Variants in PDCD6IP observed in about 807,000 individuals in gnomAD.
PDCD6IP encodes programmed cell death 6 interacting protein, also known as programmed cell death 6-interacting protein.
PDCD6IP carries 43 observed loss-of-function variants against 103.7 expected under a neutral mutation model. The ratio of observed to expected loss-of-function variants is 0.41; its 90% CI spans 0.32 to 0.53. The LOEUF (loss-of-function observed/expected upper bound fraction) is 0.53. Among genes scored for constraint, PDCD6IP ranks in the 20% least tolerant of loss-of-function variants. The pLI, the probability that PDCD6IP is intolerant of heterozygous loss-of-function variation, is 0.16. For missense variants in PDCD6IP, 871 were observed against 1,036.7 expected, an observed-to-expected ratio of 0.84 and a Z score of 2.20; for synonymous variants, 354 against 378.7, an observed-to-expected ratio of 0.93 and a Z score of 0.76.
chr3:33,835,675 G>T (rs537598690), intron 7 of PDCD6IP, among the ~76,000 whole-genome samples: 65 of 152,058 alleles, frequency 4.3e-4, no homozygotes, highest in Non-Finnish European at 7.8e-4. Context: ...CCGAGATCGC[G>T]CCACTGTGCT....
chr3:33,856,002 GGCGA>G (rs1019487616), intron 15 of PDCD6IP, among the ~76,000 whole-genome samples: 1 of 152,134 alleles, frequency 6.6e-6, no homozygotes, highest in Non-Finnish European at 1.5e-5. Context: ...CGGGCAGCTG[GGCGA>G]GTATTACTGC....
intron 1 of PDCD6IP, among the ~76,000 whole-genome samples, chr3:33,807,095 C>A (rs181105253): frequency 3.3e-5 from 5 of 152,294 alleles, no homozygotes; most frequent in Admixed American, 3.3e-4. Flanking sequence ...CTGTTCCCCC[C>A]ATACAGCTCA....
intron 1 of PDCD6IP, among the ~76,000 whole-genome samples, chr3:33,806,975 C>G (rs944884153): frequency 6.6e-6 from 1 of 152,136 alleles, no homozygotes; most frequent in Non-Finnish European, 1.5e-5. Context: ...AGTGATTGCC[C>G]TCCTGTTGTA....
At position 33,866,373 on chromosome 3, in the gene PDCD6IP, A is replaced by C. The variant is rs140488564; in HGVS notation, c.2455A>C (p.Met819Leu). ...YPGYCQMPMP[M>L]GYNPYAYGQY... ...CAGGTATTGCCAAATGCCCATGCCC[A>C]TGGGCTATAATCCTTATGCGTATGG... The change falls in exon 18 of 18, where the codon ATG (methionine) becomes CTG (leucine). Residue 819 changes from methionine (M) to leucine (L), a missense_variant. By Grantham distance (15) the Met-to-Leu change is conservative. Around this residue, in one of 5 missense-constraint regions of PDCD6IP, gnomAD observed 202 missense variants for 205.2 expected, o/e 0.98. Coordinates refer to ENST00000307296, the MANE Select transcript of PDCD6IP (RefSeq NM_013374.6). The C allele has an allele frequency of 1.0e-5, 16 of 1,576,166 alleles. No homozygotes were observed. Among genetic ancestry groups the C allele is most frequent in the Non-Finnish European group, 1.1e-5 (13 of 1,163,600 alleles).
In PDCD6IP at chr3:33,818,097, G is replaced by GTTTTT. The variant is rs756780125; in HGVS notation, c.335-3838_335-3834dup. Among the ~76,000 whole-genome samples the GTTTTT allele has an allele frequency of 7.8e-4, 53 of 68,080 alleles. 1 individual carries two copies. The highest frequency in any genetic ancestry group is 2.0e-3 in the African/African-American group (31 of 15,632). The allele number at this position is 68,080 out of a possible 152,430, so 44.7% of individuals were successfully genotyped here. On this transcript the variant is annotated intron_variant, in intron 3 of 17. Coordinates refer to ENST00000307296, the MANE Select transcript of PDCD6IP (RefSeq NM_013374.6). ...CTTGTTTGGAATATATTTCATTCTT[G>GTTTTT]TTTTTTTTTTTTTTTTTTTTTTTTG... is the stretch of plus-strand genomic sequence containing the variant.
intron 5 of PDCD6IP, among the ~76,000 whole-genome samples, chr3:33,825,907 G>T (rs1330735094): frequency 6.6e-6 from 1 of 152,124 alleles, no homozygotes; most frequent in Non-Finnish European, 1.5e-5. Flanking sequence ...TCTTTCAGGA[G>T]GTCCTCTTTA....
intron 12 of PDCD6IP, among the ~76,000 whole-genome samples, chr3:33,849,278 C>G (rs1320749964): frequency 6.6e-6 from 1 of 152,166 alleles, no homozygotes; most frequent in Non-Finnish European, 1.5e-5. Flanking sequence ...TGCCACAGGA[C>G]TTTTACATTT....
chr3:33,801,161 A>G (rs1401506074), intron 1 of PDCD6IP, among the ~76,000 whole-genome samples: 1 of 152,232 alleles, frequency 6.6e-6, no homozygotes, highest in East Asian at 1.9e-4. Context: ...GGAGGTAGGT[A>G]CAAAAGTTTT....
intron 15 of PDCD6IP, among the ~76,000 whole-genome samples, chr3:33,855,659 G>T (rs1326443849): frequency 6.6e-6 from 1 of 152,174 alleles, no homozygotes. Context: ...TCAGAAGGAG[G>T]CTGCTGAGAA....
Position 33,798,657 on chromosome 3 carries a change from T to A in PDCD6IP, c.-72T>A. On this transcript the variant is annotated 5_prime_UTR_variant, in exon 1 of 18. Coordinates refer to ENST00000307296, the MANE Select transcript of PDCD6IP (RefSeq NM_013374.6). Reference sequence around the variant, plus strand: ...TCAGTCCGCCAGTCCGCCAGCCCAGTACCTCTCTCTCCTCGGCCCTCGTAA... The same window carrying A: ...TCAGTCCGCCAGTCCGCCAGCCCAGAACCTCTCTCTCCTCGGCCCTCGTAA... 7.3e-7 allele frequency: 1 copy of A among 1,366,338 alleles called. No individual in the cohort carries two copies. The highest frequency in any genetic ancestry group is 1.4e-5 in the South Asian group (1 of 69,896). The allele number at this position is 1,366,338 out of a possible 1,614,324, so 84.6% of individuals were successfully genotyped here. A position where few individuals can be genotyped will look rare whatever the true frequency, so the allele number is the denominator to read the frequency against.
chr3:33,832,875 G>T (rs1326540502), intron 7 of PDCD6IP, among the ~76,000 whole-genome samples: 2 of 151,942 alleles, frequency 1.3e-5, no homozygotes, highest in Non-Finnish European at 2.9e-5. Flanking sequence ...TCTTGCATGT[G>T]TTTCTTCATA....
chr3:33,807,624 C>A (rs1472464619), intron 1 of PDCD6IP, among the ~76,000 whole-genome samples: 1 of 152,136 alleles, frequency 6.6e-6, no homozygotes, highest in Non-Finnish European at 1.5e-5. Context: ...GTAAAACTGA[C>A]CATGTTGGTC....
chr3:33,859,472 A>G lies in PDCD6IP; in HGVS notation c.2120+4212A>G, dbSNP rs192691037. ...CAAAAGGCTAATTTACTTTATTTAG[A>G]AAAGAACTCCTAGAAGTGAACGAGA... is the stretch of plus-strand genomic sequence containing the variant. On this transcript the variant is annotated intron_variant, in intron 15 of 17. Coordinates refer to ENST00000307296, the MANE Select transcript of PDCD6IP (RefSeq NM_013374.6). 4.0e-3 allele frequency among the ~76,000 whole-genome samples: 606 copies of G among 151,246 alleles called. 2 individuals carry two copies. The highest frequency in any genetic ancestry group is 8.3e-3 in the East Asian group (43 of 5,194).
intron 17 of PDCD6IP, 44 bp from the exon 18 acceptor site, chr3:33,866,307 G>C (rs746947998): frequency 8.7e-7 from 1 of 1,148,890 alleles, no homozygotes; most frequent in African/African-American, 1.6e-5. Context: ...TTATTTTTTA[G>C]TATTTGATTT....
Position 33,869,539 on chromosome 3 carries a change from A to G in PDCD6IP, c.*3014A>G, listed in dbSNP as rs1383056198. ...TATGAAGTTTATATTTTTTAAAAAA[A>G]TCCTATATTATCACACCAGAGATTT... On this transcript the variant is annotated 3_prime_UTR_variant, in exon 18 of 18. Transcript: ENST00000307296. 6.6e-6 allele frequency: 1 copy of G among 152,206 alleles called. No individual in the cohort carries two copies. The highest frequency in any genetic ancestry group is 1.5e-5 in the Non-Finnish European group (1 of 68,028). The allele number at this position is 152,206 out of a possible 1,614,324, so 9.4% of individuals were successfully genotyped here. A position where few individuals can be genotyped will look rare whatever the true frequency, so the allele number is the denominator to read the frequency against.
intron 7 of PDCD6IP, among the ~76,000 whole-genome samples, chr3:33,833,537 T>A (rs1176829660): frequency 1.3e-5 from 2 of 152,232 alleles, no homozygotes; most frequent in Non-Finnish European, 2.9e-5. Context: ...TCTTTACTTT[T>A]GTGAGTTCTG....
chr3:33,805,548 CA>C (rs1391082432), intron 1 of PDCD6IP, among the ~76,000 whole-genome samples: 2 of 151,720 alleles, frequency 1.3e-5, no homozygotes, highest in Non-Finnish European at 1.5e-5. Flanking sequence ...AATCCTACTT[CA>C]ACCTCCCAAG....
At chr3:33,830,969 C>G (rs1697232055) in intron 7 of PDCD6IP, among the ~76,000 whole-genome samples, 1 of 152,070 alleles carries the variant, frequency 6.6e-6, no homozygotes, top group Admixed American at 6.6e-5. Context: ...AGAGAAATAA[C>G]TTATTGGTCC....
chr3:33,853,918 A>T lies in PDCD6IP; in HGVS notation c.1930A>T (p.Asn644Tyr), dbSNP rs1044855711. 1 of 1,581,552 alleles carries T rather than the reference A, an allele frequency of 6.3e-7. No individual in the cohort carries two copies. The highest frequency in any genetic ancestry group is 8.6e-7 in the Non-Finnish European group (1 of 1,168,806). ...QEFSKMKQSN[N>Y]EANLREEVLK... ...ATTTTCAAAAATGAAACAATCTAAT[A>T]ATGAAGCTAACTTAAGAGAAGAAGT... Residue 644 changes from asparagine (N) to tyrosine (Y), a missense_variant, in exon 14 of 18, where the codon AAT (asparagine) becomes TAT (tyrosine). By Grantham distance (143) the Asn-to-Tyr change is moderately radical. This residue lies in a region of PDCD6IP where 266 missense variants were observed against 390.5 expected (regional missense o/e 0.68). Transcript: ENST00000307296.
Sources: allele counts gnomAD v4.1 joint callset (sites outside exome capture counted in the v4.1 genomes callset), GRCh38; gene constraint gnomAD v4.1.1; regional missense constraint gnomAD v4.1.1; transcripts MANE v1.5; gene names NCBI Gene and HGNC (gene_info 2026-07-23, HGNC 2026-07-21).